The following MMEL1 variants were observed in gnomAD, a reference collection of about 807,000 sequenced individuals.
MMEL1 encodes membrane metallo-endopeptidase-like 1.
Under a neutral mutation model 117.1 loss-of-function variants are expected in MMEL1, and 98 were observed. The observed-to-expected ratio is 0.84, with a 90% confidence interval of 0.71 to 0.99. The LOEUF (loss-of-function observed/expected upper bound fraction) is 0.99. Ranked by LOEUF, MMEL1 falls within the 50% of genes least tolerant of loss-of-function variation. The pLI is 0.00. For missense variants in MMEL1, 1,014 were observed against 1,049.1 expected, an observed-to-expected ratio of 0.97 and a Z score of 0.46; for synonymous variants, 390 against 415.1, an observed-to-expected ratio of 0.94 and a Z score of 0.74.
chr1:2,598,751 A>G lies in MMEL1; in HGVS notation c.1081T>C (p.Ser361Pro), dbSNP rs2100933730. Residue 361 changes from serine to proline, a missense_variant, in exon 12 of 24, where the codon TCT becomes CCT. Coordinates refer to ENST00000378412, the MANE Select transcript of MMEL1 (RefSeq NM_033467.4). ...TCTGGCAGCAGCTTGATTTTGACAG[A>G]GGATAGCACAGTTTGTATGAACAGA... ...WTLFIQTVLS[S>P]VKIKLLPDEE... The G allele has an allele frequency of 6.2e-7, 1 of 1,614,102 alleles. No homozygotes were observed. The highest frequency in any genetic ancestry group is 8.5e-7 in the Non-Finnish European group (1 of 1,179,990).
At chr1:2,615,450 A>G (rs1009814430) in intron 2 of MMEL1, among the ~76,000 whole-genome samples, 2 of 152,228 alleles carry the variant, frequency 1.3e-5, no homozygotes, top group South Asian at 4.1e-4. Context: ...TGTCAAGATC[A>G]CAAAAAACAA....
At chr1:2,606,844 C>G in intron 7 of MMEL1, 130 bp downstream of exon 7, 1 of 842,634 alleles carries the variant, frequency 1.2e-6, no homozygotes, top group African/African-American at 1.7e-5. Flanking sequence ...GGTTGGGCCT[C>G]TTGGGGCTCC....
rs1470616539 is a variant in MMEL1, at chr1:2,596,199, G to A, written c.1402-92C>T. On this transcript the variant is annotated intron_variant, in intron 14 of 23. Coordinates refer to ENST00000378412, the MANE Select transcript of MMEL1 (RefSeq NM_033467.4). ...TTTGGGGAGGTCTGGTCTGAGCCCC[G>A]CCGGGGCAAGGCCCAGGGCTGCCCA... 1.2e-5 allele frequency: 15 copies of A among 1,223,730 alleles called. No homozygotes were observed. The East Asian group carries it at 1.6e-4, about 13-fold the overall frequency. 75.8% of individuals were successfully genotyped at this position (1,223,730 alleles called of 1,614,324 possible).
chr1:2,614,997 T>G (rs1413075957), intron 2 of MMEL1, among the ~76,000 whole-genome samples: 3 of 151,880 alleles, frequency 2.0e-5, no homozygotes, highest in Non-Finnish European at 4.4e-5. Flanking sequence ...TTAGAACAAT[T>G]TGAGCAATGC....
intron 19 of MMEL1, among the ~76,000 whole-genome samples, 184 bp from the exon 20 acceptor site, chr1:2,593,150 G>T (rs1023409552): frequency 6.6e-6 from 1 of 152,204 alleles, no homozygotes; most frequent in Admixed American, 6.5e-5. Flanking sequence ...AGCTGTCTGG[G>T]GCTACACAGC....
chr1:2,606,206 T>C (rs1645024019), intron 8 of MMEL1, 42 bp downstream of exon 8: 25 of 1,527,504 alleles, frequency 1.6e-5, no homozygotes, highest in Admixed American at 3.3e-5. Flanking sequence ...CCAGCCAGGC[T>C]TGGGGACCCT....
chr1:2,596,189 T>C (rs1229019252), intron 14 of MMEL1, 82 bp from the exon 15 acceptor site: 1 of 1,305,976 alleles, frequency 7.7e-7, no homozygotes. Context: ...GGAGGTCTGG[T>C]CTGAGCCCCG....
chr1:2,591,588 T>C lies in MMEL1; in HGVS notation c.2209A>G (p.Lys737Glu), dbSNP rs1266391070. The C allele has an allele frequency of 6.2e-7, 1 of 1,613,010 alleles. No homozygotes were observed. The highest frequency in any genetic ancestry group is 2.2e-5 in the East Asian group (1 of 44,840). ...YRPEFAIQSI[K>E]TDVHSPLKYR... is the part of the protein sequence containing the mutation. The stretch of plus-strand genomic sequence containing the variant: ...TTCAGGGGACTGTGGACGTCTGTCT[T>C]GATGGATTGGATGGCGAACTCGGGC... Residue 737 changes from lysine to glutamate, a missense_variant, in exon 23 of 24, where the codon AAG (lysine) becomes GAG (glutamate). By Grantham distance (56) the Lys-to-Glu change is moderately conservative (BLOSUM62 1). Coordinates refer to ENST00000378412, the MANE Select transcript of MMEL1 (RefSeq NM_033467.4).
rs569477342 is a variant in MMEL1, at chr1:2,607,050, G to A, written c.555C>T (p.Gly185=). ...CMNQSVIEKR[G]SQPLLDILEV... ...CCAAGATGTCCAGCAGGGGCTGAGA[G>A]CCTCGCTTCTCTATCACACCTGAGA... Residue 185 remains glycine (G), a synonymous_variant, in exon 7 of 24, where the codon GGC becomes GGT. Transcript: ENST00000378412. 6.2e-7 allele frequency: 1 copy of A among 1,613,218 alleles called. No homozygotes were observed. Among genetic ancestry groups the A allele is most frequent in the African/African-American group, 1.3e-5 (1 of 75,066 alleles).
chr1:2,594,500 C>T (rs912373112), intron 17 of MMEL1, 57 bp from the exon 18 acceptor site: 36 of 1,535,204 alleles, frequency 2.3e-5, no homozygotes, highest in Non-Finnish European at 2.9e-5. Flanking sequence ...TCCCTCTGGG[C>T]TCTCTCTGCC....
chr1:2,600,634 C>T lies in MMEL1; in HGVS notation c.1042-1844G>A, dbSNP rs147345685. On this transcript the variant is annotated intron_variant, in intron 11 of 23. Transcript: ENST00000378412. ...CCAAGAGGTCAAGGCTGCAGTGAGC[C>T]ATGACTGTGCCACTCCACTCCAGTC... 7.9e-3 allele frequency among the ~76,000 whole-genome samples: 1,209 copies of T among 152,222 alleles called. 10 individuals carry two copies. Among genetic ancestry groups the T allele is most frequent in the Middle Eastern group, 0.014 (4 of 294 alleles).
chr1:2,603,463 T>A (rs1012997059), intron 11 of MMEL1, among the ~76,000 whole-genome samples: 4 of 152,070 alleles, frequency 2.6e-5, no homozygotes, highest in African/African-American at 9.7e-5. Flanking sequence ...CCTGAGGGTG[T>A]GGCCAGGGGG....
At chr1:2,631,640 C>G (rs1266866079) in intron 1 of MMEL1, among the ~76,000 whole-genome samples, 1 of 152,130 alleles carries the variant, frequency 6.6e-6, no homozygotes, top group Non-Finnish European at 1.5e-5. Flanking sequence ...CTCTCAGTCC[C>G]TGGCTCTGTG....
At chr1:2,619,197 T>A (rs185953021) in intron 2 of MMEL1, among the ~76,000 whole-genome samples, 21 of 152,284 alleles carry the variant, frequency 1.4e-4, no homozygotes, top group Admixed American at 1.1e-3. Context: ...GAAAGTTACA[T>A]GGACAGAGCA....
intron 2 of MMEL1, among the ~76,000 whole-genome samples, chr1:2,624,337 C>G: frequency 6.6e-6 from 1 of 152,146 alleles, no homozygotes. Flanking sequence ...GCTGGAGAAA[C>G]GTGAGTCTGA....
At chr1:2,596,936 TG>T (rs1010508641) in intron 13 of MMEL1, among the ~76,000 whole-genome samples, 4 of 151,952 alleles carry the variant, frequency 2.6e-5, no homozygotes, top group Non-Finnish European at 5.9e-5. Context: ...CCTGAGGAGT[TG>T]GGGGGGTTCC....
chr1:2,615,902 G>A (rs560398183), intron 2 of MMEL1, among the ~76,000 whole-genome samples: 1 of 152,250 alleles, frequency 6.6e-6, no homozygotes, highest in East Asian at 1.9e-4. Flanking sequence ...GTTGGTAAAA[G>A]ATATAAATCT....
intron 23 of MMEL1, 179 bp downstream of exon 23, chr1:2,591,378 C>T (rs1644700500): frequency 4.8e-6 from 3 of 624,116 alleles, no homozygotes; most frequent in African/African-American, 3.7e-5. Flanking sequence ...CCCTTAAATG[C>T]CCTTAGTCTG....
chr1:2,591,808 C>G (rs1644719476), intron 22 of MMEL1, 124 bp downstream of exon 22: 1 of 1,142,398 alleles, frequency 8.8e-7, no homozygotes, highest in South Asian at 1.3e-5. Flanking sequence ...CCCCCTGCCC[C>G]TCATGCTTTT....
Sources: gnomAD v4.1 joint callset for allele counts (sites outside exome capture counted in the v4.1 genomes callset) on GRCh38, gnomAD v4.1.1 for gene constraint, MANE v1.5 for transcripts, NCBI Gene and HGNC (gene_info 2026-07-23, HGNC 2026-07-21) for gene names.